Variants in STK17A observed in about 807,000 individuals in gnomAD.
The protein encoded by STK17A is serine/threonine kinase 17a.
Under a neutral mutation model 43.7 loss-of-function variants are expected in STK17A, and 26 were observed. That is an observed-to-expected ratio of 0.60 (90% CI 0.44 to 0.83). The LOEUF is 0.83. Ranked by LOEUF, STK17A falls within the 40% of genes least tolerant of loss-of-function variation. The pLI is 0.00. For synonymous variants in STK17A, 191 were observed against 182.5 expected (o/e 1.05, Z -0.38); for missense variants, 476 against 511.6 (o/e 0.93, Z 0.67).
At position 43,583,180 on chromosome 7, in the gene STK17A, G is replaced by T. The variant is rs1583542180; in HGVS notation, c.-64G>T. The T allele has an allele frequency of 1.3e-6, 2 of 1,516,660 alleles. No homozygotes were observed. The highest frequency in any genetic ancestry group is 8.9e-7 in the Non-Finnish European group (1 of 1,127,658). 94.0% of individuals were successfully genotyped at this position (1,516,660 alleles called of 1,614,324 possible). A position where few individuals can be genotyped will look rare whatever the true frequency, so the allele number is the denominator to read the frequency against. The stretch of plus-strand genomic sequence containing the variant: ...GGACCGGCACTAGGAGCCGGGGGCG[G>T]GTCCGTGACCCTCCGGCTGCTCGGA... On this transcript the variant is annotated 5_prime_UTR_variant, in exon 1 of 7. Transcript: ENST00000319357.
chr7:43,611,668 G>A (rs1390089974), intron 3 of STK17A, among the ~76,000 whole-genome samples: 1 of 152,102 alleles, frequency 6.6e-6, no homozygotes, highest in East Asian at 1.9e-4. Flanking sequence ...CTTTCACTGG[G>A]CTAATACTTT....
At chr7:43,608,022 G>A (rs576579329) in intron 2 of STK17A, among the ~76,000 whole-genome samples, 12 of 152,110 alleles carry the variant, frequency 7.9e-5, no homozygotes, top group African/African-American at 2.7e-4. Flanking sequence ...AGGCTTATAC[G>A]TGTAATCCCA....
At chr7:43,601,100 T>C (rs1025101831) in intron 2 of STK17A, among the ~76,000 whole-genome samples, 6 of 152,204 alleles carry the variant, frequency 3.9e-5, no homozygotes, top group Non-Finnish European at 7.3e-5. Flanking sequence ...GTCAAAGATT[T>C]AAAATATTAA....
At chr7:43,623,911 T>C (rs767410635) in intron 6 of STK17A, 23 bp downstream of exon 6, 15 of 1,416,244 alleles carry the variant, frequency 1.1e-5, no homozygotes, top group Non-Finnish European at 1.4e-5. Context: ...TTTATTAGTT[T>C]AATATTGAAC....
intron 2 of STK17A, among the ~76,000 whole-genome samples, chr7:43,599,323 A>G (rs930485932): frequency 1.3e-5 from 2 of 152,214 alleles, no homozygotes; most frequent in African/African-American, 2.4e-5. Flanking sequence ...TCACTTCTAT[A>G]ACCTTTGAAA....
intron 2 of STK17A, among the ~76,000 whole-genome samples, chr7:43,600,956 T>A (rs745681405): frequency 6.6e-6 from 1 of 152,222 alleles, no homozygotes; most frequent in African/African-American, 2.4e-5. Context: ...AAATGTTCCT[T>A]ATGGCATTCT....
chr7:43,593,486 T>G (rs1229931453), intron 1 of STK17A, among the ~76,000 whole-genome samples: 1 of 152,250 alleles, frequency 6.6e-6, no homozygotes, highest in Non-Finnish European at 1.5e-5. Flanking sequence ...CTGAACTAAT[T>G]TACATTTCCA....
intron 2 of STK17A, among the ~76,000 whole-genome samples, chr7:43,606,531 CTTTT>C (rs1260421334): frequency 6.6e-6 from 1 of 152,116 alleles, no homozygotes; most frequent in East Asian, 1.9e-4. Flanking sequence ...TTGTACAAAA[CTTTT>C]TTTGTTAACA....
chr7:43,593,720 T>G (rs1377760601), intron 1 of STK17A, among the ~76,000 whole-genome samples: 5 of 147,866 alleles, frequency 3.4e-5, no homozygotes, highest in East Asian at 3.9e-4. Context: ...AATGAGGTTG[T>G]TTTTTTTTCT....
chr7:43,623,205 G>T (rs1319016083), intron 4 of STK17A: 1 of 190,598 alleles, frequency 5.2e-6, no homozygotes, highest in Non-Finnish European at 1.1e-5. Flanking sequence ...CACGGGTGAG[G>T]GTGGGGCAAT....
In STK17A at chr7:43,611,971, T is replaced by C. The variant is rs985531005; in HGVS notation, c.564+3571T>C. Among the ~76,000 whole-genome samples, 8 of 152,256 alleles carry C rather than the reference T, an allele frequency of 5.3e-5. No homozygotes were observed. The South Asian group carries it at 1.2e-3, about 24-fold the overall frequency. On this transcript the variant is annotated intron_variant, in intron 3 of 6. Coordinates refer to ENST00000319357, the MANE Select transcript of STK17A (RefSeq NM_004760.3). ...ATGTGTCATGGATCTTTGATGTTACTTGAGAGCATCAAAGGTGAATATTAA... is the reference window on the plus strand; with the variant it reads ...ATGTGTCATGGATCTTTGATGTTACCTGAGAGCATCAAAGGTGAATATTAA...
intron 2 of STK17A, among the ~76,000 whole-genome samples, chr7:43,607,564 G>T (rs991635535): frequency 7.0e-6 from 1 of 142,622 alleles, no homozygotes; most frequent in Non-Finnish European, 1.5e-5. Context: ...CAGGAGAATC[G>T]ATTGAACCCA....
At chr7:43,584,515 T>C (rs1315974190) in intron 1 of STK17A, among the ~76,000 whole-genome samples, 2 of 152,242 alleles carry the variant, frequency 1.3e-5, no homozygotes, top group Non-Finnish European at 2.9e-5. Flanking sequence ...TTTGTCATGG[T>C]TGCAAAATAG....
rs112573771 is a variant in STK17A, at chr7:43,623,465, C to T, written c.692-107C>T. The T allele has an allele frequency of 4.9e-3, 4,156 of 851,354 alleles. 131 individuals carry two copies. In the African/African-American group the frequency reaches 0.064, roughly 13 times the overall value. 52.7% of individuals were successfully genotyped at this position (851,354 alleles called of 1,614,324 possible). A position where few individuals can be genotyped will look rare whatever the true frequency, so the allele number is the denominator to read the frequency against. On this transcript the variant is annotated intron_variant, in intron 4 of 6. Transcript: ENST00000319357. ...TGGTAACCTTTCATTTTAGCCCAAA[C>T]GTTGGATAGTGCCTTATAGTTTCTA...
At chr7:43,597,221 G>A (rs1433359236) in intron 2 of STK17A, among the ~76,000 whole-genome samples, 2 of 151,990 alleles carry the variant, frequency 1.3e-5, no homozygotes, top group African/African-American at 2.4e-5. Context: ...AATCTTAAAT[G>A]TTGAAATTCC....
chr7:43,595,909 T>C lies in STK17A; in HGVS notation c.215T>C (p.Phe72Ser). The C allele has an allele frequency of 6.2e-7, 1 of 1,613,218 alleles. No homozygotes were observed. Among genetic ancestry groups the C allele is most frequent in the Non-Finnish European group, 8.5e-7 (1 of 1,179,658 alleles). ...TTTTTGTTTAATTCTAGGGGGAAAT[T>C]TGCAGTGGTGAGAAAATGTATAAAG... ...CPGRELGRGK[F>S]AVVRKCIKKD... The change falls in exon 2 of 7, where the codon TTT becomes TCT. Residue 72 changes from phenylalanine (F) to serine (S), a missense_variant. Physicochemically the swap from Phe to Ser is radical, Grantham distance 155. Coordinates refer to ENST00000319357, the MANE Select transcript of STK17A (RefSeq NM_004760.3).
chr7:43,624,987 GT>G lies in STK17A; in HGVS notation c.*147del. On this transcript the variant is annotated 3_prime_UTR_variant, in exon 7 of 7. Transcript: ENST00000319357. Reference sequence around the variant, plus strand: ...AAAATAACTTTGTCAAATTTGTGGAGTTAGGTGGAAGCCAGATTTTAAAAGT... The same window carrying G: ...AAAATAACTTTGTCAAATTTGTGGAGTAGGTGGAAGCCAGATTTTAAAAGT... 1 of 747,850 alleles carries G rather than the reference GT, an allele frequency of 1.3e-6. No homozygotes were observed. Among genetic ancestry groups the G allele is most frequent in the Non-Finnish European group, 2.0e-6 (1 of 500,528 alleles). The allele number at this position is 747,850 out of a possible 1,614,324, so 46.3% of individuals were successfully genotyped here.
rs768808965 is a variant in STK17A at position 43,583,356 on chromosome 7, A to G, written c.113A>G (p.Gln38Arg). 160 of 1,441,808 alleles carry G rather than the reference A, an allele frequency of 1.1e-4. No individual in the cohort carries two copies. The Middle Eastern group carries it at 1.2e-3, about 11-fold the overall frequency. The allele number at this position is 1,441,808 out of a possible 1,614,324, so 89.3% of individuals were successfully genotyped here. ...CCGTGCCGGCCGCCGCCGCCGCCCC[A>G]GGCCCGCGGGCTGCTGACAGAGATA... ...SGPCRPPPPPQARGLLTEIRA... is the reference protein window; with the variant it reads ...SGPCRPPPPPRARGLLTEIRA... Residue 38 changes from glutamine to arginine, a missense_variant, in exon 1 of 7, where the codon CAG (glutamine) becomes CGG (arginine). By Grantham distance (43) the Gln-to-Arg change is conservative. Around this residue, in one of 3 missense-constraint regions of STK17A, gnomAD observed 320 missense variants for 326.3 expected, o/e 0.98. Transcript: ENST00000319357.
At position 43,619,668 on chromosome 7, in the gene STK17A, A is replaced by G. The variant is rs1320480999; in HGVS notation, c.636A>G (p.Arg212=). 1.1e-5 allele frequency: 17 copies of G among 1,613,988 alleles called. No homozygotes were observed. The highest frequency in any genetic ancestry group is 1.6e-4 in the Middle Eastern group (1 of 6,084). Residue 212 remains arginine, a synonymous_variant, in exon 4 of 7, where the codon AGA becomes AGG. Transcript: ENST00000319357. ...AGATTGTTGATTTTGGCCTTTCAAG[A>G]ATATTGAAGAACAGTGAAGAGCTCC... ...DIKIVDFGLS[R]ILKNSEELRE...
Sources: gnomAD v4.1 joint callset for allele counts (sites outside exome capture counted in the v4.1 genomes callset) on GRCh38, gnomAD v4.1.1 for gene constraint, gnomAD v4.1.1 regional missense constraint, MANE v1.5 for transcripts, NCBI Gene and HGNC (gene_info 2026-07-23, HGNC 2026-07-21) for gene names.